The following TSHR variants were observed in gnomAD, a reference collection of about 807,000 sequenced individuals.
The protein encoded by TSHR is thyrotropin receptor.
TSHR carries 51 observed loss-of-function variants against 64.1 expected under a neutral mutation model. The observed-to-expected ratio is 0.80, with a 90% CI of 0.64 to 1.01. The LOEUF (loss-of-function observed/expected upper bound fraction) is 1.01. Ranked by LOEUF, TSHR falls within the 50% of genes least tolerant of loss-of-function variation. The pLI is 0.00. For synonymous variants in TSHR, 361 were observed against 361.9 expected (o/e 1.00, Z 0.03); for missense variants, 877 against 942.8 (o/e 0.93, Z 0.91).
chr14:81,025,712 T>C (rs777598328), intron 1 of TSHR, among the ~76,000 whole-genome samples: 8 of 152,240 alleles, frequency 5.3e-5, no homozygotes, highest in Non-Finnish European at 7.3e-5. Context: ...GGATGAAATA[T>C]TTAGTTTCAG....
At position 81,033,584 on chromosome 14, in the gene TSHR, G is replaced by T. The variant is rs535945458; in HGVS notation, c.171-28564G>T. The stretch of plus-strand genomic sequence containing the variant: ...TTTTTTTTTTTTCTTTTTATCAGAA[G>T]TTGCTAAGATGAATGTTTTCCATAT... On this transcript the variant is annotated intron_variant, in intron 1 of 9. Coordinates refer to ENST00000298171, the MANE Select transcript of TSHR (RefSeq NM_000369.5). Among the ~76,000 whole-genome samples, 4 of 139,798 alleles carry T rather than the reference G, an allele frequency of 2.9e-5. No individual in the cohort carries two copies. In the East Asian group the frequency reaches 6.3e-4, roughly 22 times the overall value. 91.7% of individuals were successfully genotyped at this position (139,798 alleles called of 152,430 possible). A position where few individuals can be genotyped will look rare whatever the true frequency, so the allele number is the denominator to read the frequency against.
intron 1 of TSHR, among the ~76,000 whole-genome samples, chr14:81,043,317 C>T (rs560335460): frequency 4.2e-4 from 64 of 152,020 alleles, no homozygotes; most frequent in African/African-American, 1.2e-3. Flanking sequence ...AGCCAAATCA[C>T]GAATGAACTC....
At chr14:81,044,502 C>CA (rs1398764948) in intron 1 of TSHR, among the ~76,000 whole-genome samples, 6 of 151,964 alleles carry the variant, frequency 3.9e-5, no homozygotes, top group Non-Finnish European at 8.8e-5. Context: ...ACTAAAAACA[C>CA]AAAAAATTAT....
At chr14:81,065,631 T>G (rs71416858) in intron 2 of TSHR, among the ~76,000 whole-genome samples, 10 of 152,164 alleles carry the variant, frequency 6.6e-5, no homozygotes, top group African/African-American at 2.4e-4. Context: ...ATTTAACACC[T>G]TGTGTTAATC....
chr14:81,030,875 G>A (rs577027116), intron 1 of TSHR, among the ~76,000 whole-genome samples: 9 of 152,148 alleles, frequency 5.9e-5, no homozygotes, highest in African/African-American at 1.9e-4. Context: ...AGCACACATG[G>A]GGCAAATGTT....
intron 1 of TSHR, among the ~76,000 whole-genome samples, chr14:80,964,597 T>A (rs554204552): frequency 6.6e-6 from 1 of 152,284 alleles, no homozygotes; most frequent in South Asian, 2.1e-4. Context: ...GAGTTCATGG[T>A]TGTGCTCTTA....
intron 9 of TSHR, among the ~76,000 whole-genome samples, chr14:81,141,921 A>G (rs1412699059): frequency 6.6e-6 from 1 of 152,210 alleles, no homozygotes; most frequent in Non-Finnish European, 1.5e-5. Flanking sequence ...TGCTATTGTA[A>G]GAGCCTTAAA....
At chr14:81,110,181 T>C (rs1236082561) in intron 8 of TSHR, among the ~76,000 whole-genome samples, 1 of 152,254 alleles carries the variant, frequency 6.6e-6, no homozygotes, top group Admixed American at 6.5e-5. Context: ...CAAATTAAGT[T>C]TGTTATGAAC....
intron 1 of TSHR, chr14:81,049,709 A>C (rs1885339039): frequency 6.6e-6 from 1 of 152,192 alleles, no homozygotes; most frequent in African/African-American, 2.4e-5. Flanking sequence ...CCCACGTGTC[A>C]AGGGAGAGAT....
At chr14:81,010,493 T>A (rs28410717) in intron 1 of TSHR, among the ~76,000 whole-genome samples, 7 of 151,760 alleles carry the variant, frequency 4.6e-5, no homozygotes, top group Non-Finnish European at 1.0e-4. Flanking sequence ...TTTTTCTTTT[T>A]TAATGAGCTT....
chr14:81,133,227 T>C (rs1345835627), intron 8 of TSHR, among the ~76,000 whole-genome samples: 1 of 152,246 alleles, frequency 6.6e-6, no homozygotes, highest in Non-Finnish European at 1.5e-5. Flanking sequence ...GAAAGGAGTT[T>C]TTCCTATTTA....
At chr14:81,011,679 T>C (rs1395069989) in intron 1 of TSHR, among the ~76,000 whole-genome samples, 2 of 152,126 alleles carry the variant, frequency 1.3e-5, no homozygotes, top group Admixed American at 6.5e-5. Flanking sequence ...CTAAAAGGAA[T>C]AGTAATTATA....
chr14:80,983,488 A>G (rs1888280249), intron 1 of TSHR: 18 of 1,358,872 alleles, frequency 1.3e-5, no homozygotes, highest in Non-Finnish European at 1.9e-5. Context: ...AACCATAAAG[A>G]GGCAAAAGCC....
intron 1 of TSHR, among the ~76,000 whole-genome samples, chr14:81,054,234 A>C (rs1039001571): frequency 6.6e-6 from 1 of 152,192 alleles, no homozygotes; most frequent in African/African-American, 2.4e-5. Context: ...GCCTGCTGCC[A>C]TCCATGTAAG....
chr14:80,971,847 G>A (rs1887605504), intron 1 of TSHR, among the ~76,000 whole-genome samples: 1 of 151,578 alleles, frequency 6.6e-6, no homozygotes. Flanking sequence ...TTTTAGGAAT[G>A]ATTGGGGGAC....
chr14:81,081,340 T>G (rs1245771690), intron 3 of TSHR, among the ~76,000 whole-genome samples: 1 of 152,202 alleles, frequency 6.6e-6, no homozygotes, highest in Non-Finnish European at 1.5e-5. Flanking sequence ...GATGAGAGTT[T>G]TTTTTTACAT....
chr14:80,988,342 A>T (rs867222468), intron 1 of TSHR, among the ~76,000 whole-genome samples: 3 of 152,142 alleles, frequency 2.0e-5, no homozygotes, highest in African/African-American at 7.2e-5. Flanking sequence ...ACTTACAATT[A>T]TGGCAGAAGG....
At chr14:81,097,858 G>A (rs1889312428) in intron 7 of TSHR, among the ~76,000 whole-genome samples, 1 of 152,122 alleles carries the variant, frequency 6.6e-6, no homozygotes, top group African/African-American at 2.4e-5. Flanking sequence ...AAGAGTTACA[G>A]TACCATTCTC....
intron 6 of TSHR, 90 bp downstream of exon 6, chr14:81,092,698 C>T (rs1888848592): frequency 3.5e-6 from 4 of 1,143,322 alleles, no homozygotes; most frequent in Non-Finnish European, 5.3e-6. Flanking sequence ...AGCCATACTG[C>T]CTTATCATAT....
Sources: allele counts gnomAD v4.1 joint callset (sites outside exome capture counted in the v4.1 genomes callset), GRCh38; gene constraint gnomAD v4.1.1; transcripts MANE v1.5; gene names NCBI Gene and HGNC (gene_info 2026-07-23, HGNC 2026-07-21).